Variants in EYS observed in about 807,000 individuals in gnomAD.
EYS encodes EGF-like photoreceptor maintenance factor, also known as protein eyes shut homolog.
EYS carries 250 observed loss-of-function variants against 282.1 expected under a neutral mutation model. The ratio of observed to expected loss-of-function variants is 0.89; its 90% confidence interval spans 0.80 to 0.98. The LOEUF is 0.98. Among genes scored for constraint, EYS ranks in the 50% least tolerant of loss-of-function variants. EYS has a pLI of 0.00. For missense variants in EYS, 4,016 were observed against 3,709.0 expected (o/e 1.08, Z -2.15); for synonymous variants, 1,355 against 1,282.9 (o/e 1.06, Z -1.20).
Position 63,727,737 on chromosome 6 carries a change from A to AATATATATATATATATATAT in EYS, c.8072-1058_8072-1057insATATATATATATATATATAT, listed in dbSNP as rs70999122. ...AAAAAAAAAAAAAAAAAAAAAAAAA[A>AATATATATATATATATATAT]ATATATATATATATGTTAGCTGGGC... On this transcript the variant is annotated intron_variant, in intron 41 of 42. Transcript: ENST00000503581. 8.0e-3 allele frequency among the ~76,000 whole-genome samples: 294 copies of AATATATATATATATATATAT among 36,624 alleles called. 17 individuals are homozygous for AATATATATATATATATATAT. Among genetic ancestry groups the AATATATATATATATATATAT allele is most frequent in the African/African-American group, 0.021 (80 of 3,736 alleles). 24.0% of individuals were successfully genotyped at this position (36,624 alleles called of 152,430 possible).
intron 31 of EYS, among the ~76,000 whole-genome samples, chr6:64,122,588 G>A (rs1773626280): frequency 6.6e-6 from 1 of 152,112 alleles, no homozygotes; most frequent in Non-Finnish European, 1.5e-5. Context: ...ACTTTGATAA[G>A]ATGCTTCACC....
At chr6:65,292,028 T>C (rs764463075) in intron 12 of EYS, among the ~76,000 whole-genome samples, 4 of 151,560 alleles carry the variant, frequency 2.6e-5, no homozygotes, top group Non-Finnish European at 4.4e-5. Context: ...GGATAAGTGA[T>C]ACCAACAAAA....
intron 1 of EYS, among the ~76,000 whole-genome samples, chr6:65,644,875 C>T (rs933997856): frequency 5.9e-5 from 9 of 152,122 alleles, no homozygotes; most frequent in African/African-American, 1.9e-4. Flanking sequence ...TGTGAGAATT[C>T]GCCACTACCA....
chr6:64,870,832 C>A (rs536004033), intron 19 of EYS, among the ~76,000 whole-genome samples: 1 of 151,298 alleles, frequency 6.6e-6, no homozygotes, highest in South Asian at 2.1e-4. Context: ...TTTGAGCAGA[C>A]CGAAGGAAAA....
intron 12 of EYS, among the ~76,000 whole-genome samples, chr6:65,239,971 GAT>G (rs1491274145): frequency 1.2e-4 from 16 of 128,794 alleles, no homozygotes; most frequent in African/African-American, 5.4e-4. Context: ...TATATATTTT[GAT>G]TTTTTTTTTT....
At chr6:64,985,352 G>A (rs1252268634) in intron 14 of EYS, among the ~76,000 whole-genome samples, 1 of 151,490 alleles carries the variant, frequency 6.6e-6, no homozygotes, top group Non-Finnish European at 1.5e-5. Context: ...GACTAATTAA[G>A]CCTATCAGGA....
intron 31 of EYS, 57 bp downstream of exon 31, chr6:64,230,535 C>G: frequency 8.0e-7 from 1 of 1,249,920 alleles, no homozygotes; most frequent in Admixed American, 2.1e-5. Flanking sequence ...CAACTCCTGT[C>G]CATTCTCTGG....
intron 18 of EYS, among the ~76,000 whole-genome samples, chr6:64,897,421 G>A (rs1455393112): frequency 1.3e-5 from 2 of 152,092 alleles, no homozygotes; most frequent in Admixed American, 1.3e-4. Flanking sequence ...CAACAGAAAA[G>A]ACGAACACGT....
chr6:65,285,111 G>A (rs866477607), intron 12 of EYS, among the ~76,000 whole-genome samples: 10 of 151,908 alleles, frequency 6.6e-5, no homozygotes, highest in East Asian at 1.9e-4. Flanking sequence ...TTGTTGATAC[G>A]TGGTATCTTT....
chr6:64,310,584 G>T (rs955820250), intron 29 of EYS, among the ~76,000 whole-genome samples: 4 of 152,116 alleles, frequency 2.6e-5, no homozygotes, highest in African/African-American at 9.7e-5. Context: ...ATTGCCTATT[G>T]GAGGGTAGAG....
At chr6:64,624,128 C>G (rs1049977337) in intron 23 of EYS, among the ~76,000 whole-genome samples, 1 of 152,058 alleles carries the variant, frequency 6.6e-6, no homozygotes, top group African/African-American at 2.4e-5. Flanking sequence ...TTGAATAACG[C>G]CTAGCAATAC....
At chr6:64,792,155 T>C (rs929510427) in intron 22 of EYS, among the ~76,000 whole-genome samples, 3 of 151,910 alleles carry the variant, frequency 2.0e-5, no homozygotes, top group African/African-American at 7.2e-5. Flanking sequence ...CATTATGGTA[T>C]GATGTCAGGT....
Position 64,626,243 on chromosome 6 carries a change from C to A in EYS, c.3446G>T (p.Cys1149Phe). The A allele has an allele frequency of 6.6e-7, 1 of 1,519,510 alleles. No individual in the cohort carries two copies. Among genetic ancestry groups the A allele is most frequent in the African/African-American group, 1.4e-5 (1 of 70,948 alleles). 94.1% of individuals were successfully genotyped at this position (1,519,510 alleles called of 1,614,324 possible). A position where few individuals can be genotyped will look rare whatever the true frequency, so the allele number is the denominator to read the frequency against. Residue 1149 changes from cysteine to phenylalanine, a missense_variant and splice_region_variant, in exon 23 of 43, where the codon TGT becomes TTT. Cys to Phe is a radical substitution (Grantham distance 205, BLOSUM62 -2). Coordinates refer to ENST00000503581, the MANE Select transcript of EYS (RefSeq NM_001142800.2). ...AAATTGACCAGAAAATCCAGGAAGA[C>A]ATCTAAGGAAAAAAAATGAAAACGA... ...DGPGHTFDCR[C>F]LPGFSGQFCE...
chr6:63,980,792 A>T (rs549252298), intron 35 of EYS, among the ~76,000 whole-genome samples: 7 of 151,944 alleles, frequency 4.6e-5, no homozygotes, highest in South Asian at 4.2e-4. Context: ...GGACTGAGGG[A>T]AAAAAACAGA....
At chr6:65,336,625 T>G (rs765770667) in intron 10 of EYS, among the ~76,000 whole-genome samples, 2 of 151,618 alleles carry the variant, frequency 1.3e-5, no homozygotes, top group Admixed American at 6.6e-5. Flanking sequence ...TGCTAAATAC[T>G]TTTATCCTTC....
chr6:65,291,925 T>C (rs1330517941), intron 12 of EYS, among the ~76,000 whole-genome samples: 2 of 151,672 alleles, frequency 1.3e-5, no homozygotes, highest in South Asian at 4.1e-4. Context: ...TCCTACAATA[T>C]GTCTTGAAAG....
chr6:64,734,402 G>A (rs969066851), intron 22 of EYS, among the ~76,000 whole-genome samples: 1 of 151,948 alleles, frequency 6.6e-6, no homozygotes, highest in Admixed American at 6.5e-5. Context: ...AGAAAAACTA[G>A]ATATCTGGCA....
intron 12 of EYS, among the ~76,000 whole-genome samples, chr6:65,273,304 C>T (rs1767953442): frequency 6.6e-6 from 1 of 152,150 alleles, no homozygotes; most frequent in Admixed American, 6.6e-5. Context: ...GTTAGTCTTT[C>T]CACCAGCATT....
chr6:64,391,462 G>A (rs981245635), intron 28 of EYS, among the ~76,000 whole-genome samples: 1 of 151,864 alleles, frequency 6.6e-6, no homozygotes, highest in Non-Finnish European at 1.5e-5. Context: ...GAGAGTGGGG[G>A]CCAATATTCA....
Sources: allele counts gnomAD v4.1 joint callset (sites outside exome capture counted in the v4.1 genomes callset), GRCh38; gene constraint gnomAD v4.1.1; transcripts MANE v1.5; gene names NCBI Gene and HGNC (gene_info 2026-07-23, HGNC 2026-07-21).